The following RAP1GAP variants were observed in gnomAD, a reference collection of about 807,000 sequenced individuals.
RAP1GAP encodes rap1 GTPase-activating protein 1.
Under a neutral mutation model 87.2 loss-of-function variants are expected in RAP1GAP, and 35 were observed. That is an observed-to-expected ratio of 0.40 (90% CI 0.31 to 0.53). The LOEUF (loss-of-function observed/expected upper bound fraction) is 0.53. Among genes scored for constraint, RAP1GAP ranks in the 20% least tolerant of loss-of-function variants. The probability of loss-of-function intolerance (pLI) is 0.48; values close to 1 mark genes in which losing one functional copy is unlikely to be tolerated. For synonymous variants in RAP1GAP, 375 were observed against 363.9 expected (o/e 1.03, Z -0.35); for missense variants, 734 against 898.9 (o/e 0.82, Z 2.35).
chr1:21,662,297 C>T (rs1571524097), intron 1 of RAP1GAP, among the ~76,000 whole-genome samples: 1 of 152,174 alleles, frequency 6.6e-6, no homozygotes, highest in East Asian at 1.9e-4. Context: ...TGTGAAAGTC[C>T]TTTGTGAATT....
chr1:21,634,371 C>T lies in RAP1GAP; in HGVS notation c.-112-7974G>A, dbSNP rs1416423328. ...AGCGGCAGGGGGACTATTTGCCATG[C>T]GGGCACTGTGATGTCATTCAATCCT... On this transcript the variant is annotated intron_variant, in intron 2 of 24. Coordinates refer to ENST00000374765, the MANE Select transcript of RAP1GAP (RefSeq NM_002885.4). The surrounding 1 kb of genome is among the most constrained non-coding windows in gnomAD (Gnocchi z 4.1). Among the ~76,000 whole-genome samples the T allele has an allele frequency of 6.6e-6, 1 of 152,160 alleles. No individual in the cohort carries two copies. The highest frequency in any genetic ancestry group is 6.5e-5 in the Admixed American group (1 of 15,288).
chr1:21,608,408 A>G, intron 16 of RAP1GAP, 58 bp from the exon 17 acceptor site: 1 of 1,579,598 alleles, frequency 6.3e-7, no homozygotes, highest in Non-Finnish European at 8.6e-7. Flanking sequence ...TTCGGCCCAC[A>G]GTTCAAATCC....
chr1:21,666,141 G>A (rs1253113615), intron 1 of RAP1GAP, among the ~76,000 whole-genome samples: 1 of 152,208 alleles, frequency 6.6e-6, no homozygotes, highest in East Asian at 1.9e-4. Context: ...CATCTAGCAT[G>A]TCTGCCCTGG....
intron 2 of RAP1GAP, among the ~76,000 whole-genome samples, chr1:21,637,864 G>A (rs771326981): frequency 3.3e-5 from 5 of 151,550 alleles, no homozygotes; most frequent in Non-Finnish European, 7.4e-5. Context: ...GCCGGGAGTG[G>A]TGGTTCACGC....
At chr1:21,657,460 G>C (rs559235804) in intron 1 of RAP1GAP, among the ~76,000 whole-genome samples, 1 of 152,352 alleles carries the variant, frequency 6.6e-6, no homozygotes, top group Admixed American at 6.5e-5. Flanking sequence ...GGAGCATCCA[G>C]CTAACTACTG....
chr1:21,653,864 C>T (rs2096750417), intron 1 of RAP1GAP, among the ~76,000 whole-genome samples: 1 of 152,124 alleles, frequency 6.6e-6, no homozygotes, highest in African/African-American at 2.4e-5. Flanking sequence ...GGGAATGATT[C>T]CTGAGTGGTT....
Position 21,613,791 on chromosome 1 carries a change from G to T in RAP1GAP, c.396-85C>A. The stretch of plus-strand genomic sequence containing the variant: ...CACCCCCCACAAAGTAAGGCCAGAA[G>T]GGGGTGGACCACAGCGAGGACCAGA... On this transcript the variant is annotated intron_variant, in intron 8 of 24. Transcript: ENST00000374765. The surrounding 1 kb of genome is among the most constrained non-coding windows in gnomAD (Gnocchi z 4.7). 1 of 1,375,928 alleles carries T rather than the reference G, an allele frequency of 7.3e-7. No individual in the cohort carries two copies. Among genetic ancestry groups the T allele is most frequent in the Non-Finnish European group, 1.0e-6 (1 of 968,872 alleles). The allele number at this position is 1,375,928 out of a possible 1,614,324, so 85.2% of individuals were successfully genotyped here.
At chr1:21,617,195 G>T in intron 7 of RAP1GAP, 111 bp downstream of exon 7, 1 of 1,265,468 alleles carries the variant, frequency 7.9e-7, no homozygotes, top group Non-Finnish European at 1.1e-6. Context: ...AGGGCTCTAG[G>T]ACTGTCACCC....
chr1:21,652,517 C>G (rs1195454703), intron 1 of RAP1GAP, among the ~76,000 whole-genome samples: 1 of 152,118 alleles, frequency 6.6e-6, no homozygotes, highest in Non-Finnish European at 1.5e-5. Context: ...CCTGTCTCCC[C>G]TTCTCCCAGG....
Position 21,611,824 on chromosome 1 carries a change from T to C in RAP1GAP, c.613-8A>G, listed in dbSNP as rs763307287. Reference sequence around the variant, plus strand: ...GAGTTCTTCCTCGGAGGTCTGGGGATGAGGGGCCAAGGTCATTGAGCTGGA... The same window carrying C: ...GAGTTCTTCCTCGGAGGTCTGGGGACGAGGGGCCAAGGTCATTGAGCTGGA... On this transcript the variant is annotated splice_region_variant and splice_polypyrimidine_tract_variant and intron_variant, in intron 11 of 24. Transcript: ENST00000374765. 6.2e-6 allele frequency: 10 copies of C among 1,602,448 alleles called. No individual in the cohort carries two copies. The Admixed American group carries it at 1.3e-4, about 21-fold the overall frequency.
In RAP1GAP at chr1:21,668,961, A is replaced by AG. The variant is rs767770581; in HGVS notation, c.-149+292dup. The stretch of plus-strand genomic sequence containing the variant: ...GGAAAACTGGACTCCCCACCCACCC[A>AG]GGGGGGTGGGACCAAAGCCCCCTGG... On this transcript the variant is annotated intron_variant, in intron 1 of 24. Transcript: ENST00000374765. This position sits in a 1 kb window ranked among gnomAD's most constrained non-coding sequence, Gnocchi z 6.2. Among the ~76,000 whole-genome samples the AG allele has an allele frequency of 1.4e-4, 21 of 151,198 alleles. No homozygotes were observed. Among genetic ancestry groups the AG allele is most frequent in the Non-Finnish European group, 2.7e-4 (18 of 67,614 alleles).
chr1:21,606,513 C>G (rs1050634043), intron 17 of RAP1GAP, among the ~76,000 whole-genome samples: 1 of 152,206 alleles, frequency 6.6e-6, no homozygotes, highest in Non-Finnish European at 1.5e-5. Flanking sequence ...ACACAGGCTG[C>G]TCTGTGCTGA....
At chr1:21,653,542 A>AACTT (rs1432701497) in intron 1 of RAP1GAP, among the ~76,000 whole-genome samples, 387 of 120,200 alleles carry the variant, frequency 3.2e-3, no homozygotes, top group African/African-American at 6.3e-3. Context: ...AGAAGGGAGG[A>AACTT]ACTTCCTTCC....
rs2089533810 is a variant in RAP1GAP, at chr1:21,622,741, G to A, written c.-18-2691C>T. ...CTTTGGGTGCGTCGGGCTCCCCGAGGGGGCCCCCCACTCGGTTCTCCCCAG... is the reference window on the plus strand; with the variant it reads ...CTTTGGGTGCGTCGGGCTCCCCGAGAGGGCCCCCCACTCGGTTCTCCCCAG... On this transcript the variant is annotated intron_variant, in intron 3 of 24. Transcript: ENST00000374765. The surrounding 1 kb of genome is among the most constrained non-coding windows in gnomAD (Gnocchi z 5.7). Among the ~76,000 whole-genome samples, 1 of 151,788 alleles carries A rather than the reference G, an allele frequency of 6.6e-6. No individual in the cohort carries two copies. Among genetic ancestry groups the A allele is most frequent in the Admixed American group, 6.5e-5 (1 of 15,268 alleles).
Position 21,613,702 on chromosome 1 carries a change from T to C in RAP1GAP, c.400A>G (p.Lys134Glu), listed in dbSNP as rs746642547. Residue 134 changes from lysine to glutamate, a missense_variant, in exon 9 of 25, where the codon AAG becomes GAG. Coordinates refer to ENST00000374765, the MANE Select transcript of RAP1GAP (RefSeq NM_002885.4). The surrounding 1 kb of genome is among the most constrained non-coding windows in gnomAD (Gnocchi z 4.7). ...ATGACATCATGGTATGTCCGGCACT[T>C]GGTCCTGAGAAGAGAAAGTCACACG... ...QEHLRLLLRT[K>E]CRTYHDVIPI... The C allele has an allele frequency of 3.7e-6, 6 of 1,612,194 alleles. No homozygotes were observed. In the East Asian group the frequency reaches 1.1e-4, roughly 30 times the overall value.
At chr1:21,600,847 T>A (rs566682504) in intron 20 of RAP1GAP, among the ~76,000 whole-genome samples, 3 of 124,054 alleles carry the variant, frequency 2.4e-5, no homozygotes, top group Non-Finnish European at 3.2e-5. Flanking sequence ...ATTGTGCCAC[T>A]GCACTCCAGC....
chr1:21,608,459 T>TG, intron 16 of RAP1GAP, 109 bp from the exon 17 acceptor site: 1 of 1,406,766 alleles, frequency 7.1e-7, no homozygotes, highest in Non-Finnish European at 9.5e-7. Context: ...TCTGAATGAG[T>TG]GGGGAGTGGG....
At chr1:21,649,716 C>G in intron 2 of RAP1GAP, 45 bp downstream of exon 2, 1 of 1,538,200 alleles carries the variant, frequency 6.5e-7, no homozygotes, top group Non-Finnish European at 8.8e-7. Flanking sequence ...TCTGCAGGGA[C>G]CAGCCAAGGA....
rs1570539872 is a variant in RAP1GAP at position 21,606,083 on chromosome 1, C to T, written c.1411G>A (p.Ala471Thr). 6.3e-7 allele frequency: 1 copy of T among 1,585,334 alleles called. No homozygotes were observed. Among genetic ancestry groups the T allele is most frequent in the African/African-American group, 1.3e-5 (1 of 74,772 alleles). The change falls in exon 18 of 25, where the codon GCC (alanine) becomes ACC (threonine). Residue 471 changes from alanine (A) to threonine (T), a missense_variant. Physicochemically the swap from Ala to Thr is moderately conservative, Grantham distance 58. Around this residue, in one of 2 missense-constraint regions of RAP1GAP, gnomAD observed 485 missense variants for 646.2 expected, o/e 0.75. Transcript: ENST00000374765. ...GSFAPNNPDL[A>T]KAAGISLIVP... ...GCACTCACTATTCCAGCCGCCTTGG[C>T]CAGGTCGGGGTTGTTGGGCGCGAAG...
Sources: gnomAD v4.1 joint callset for allele counts (sites outside exome capture counted in the v4.1 genomes callset) on GRCh38, gnomAD v4.1.1 for gene constraint, gnomAD v4.1.1 regional missense constraint, Gnocchi (gnomAD v3.1) non-coding constraint, MANE v1.5 for transcripts, NCBI Gene and HGNC (gene_info 2026-07-23, HGNC 2026-07-21) for gene names.